The following ST6GALNAC3 variants were observed in gnomAD, a reference collection of about 807,000 sequenced individuals.
ST6GALNAC3 encodes the protein ST6 N-acetylgalactosaminide alpha-2,6-sialyltransferase 3.
In ST6GALNAC3, 25 loss-of-function variants were observed where a neutral mutation model predicts 32.7. That is an observed-to-expected ratio of 0.76 (90% CI 0.56 to 1.07). The LOEUF (loss-of-function observed/expected upper bound fraction) is 1.07, where lower values mean the gene tolerates loss of function less well. Ranked by LOEUF, ST6GALNAC3 falls within the 50% of genes least tolerant of loss-of-function variation. The pLI is 0.00. For synonymous variants in ST6GALNAC3, 129 were observed against 133.1 expected (o/e 0.97, Z 0.21); for missense variants, 355 against 382.4 (o/e 0.93, Z 0.60).
intron 3 of ST6GALNAC3, among the ~76,000 whole-genome samples, chr1:76,428,649 T>G (rs564351504): frequency 6.6e-6 from 1 of 152,196 alleles, no homozygotes; most frequent in East Asian, 1.9e-4. Flanking sequence ...TAGAAAACCT[T>G]ATAAATAATT....
At chr1:76,319,305 C>T (rs773207812) in intron 2 of ST6GALNAC3, among the ~76,000 whole-genome samples, 30 of 152,026 alleles carry the variant, frequency 2.0e-4, no homozygotes, top group Middle Eastern at 3.2e-3. Flanking sequence ...CTGACTTACT[C>T]GACAATTTAA....
At chr1:76,194,474 T>C (rs1654083385) in intron 1 of ST6GALNAC3, among the ~76,000 whole-genome samples, 1 of 151,176 alleles carries the variant, frequency 6.6e-6, no homozygotes, top group Admixed American at 6.6e-5. Flanking sequence ...TTTAAATATT[T>C]AATTTATTTC....
intron 1 of ST6GALNAC3, among the ~76,000 whole-genome samples, chr1:76,149,398 C>T (rs761583670): frequency 3.3e-5 from 5 of 152,134 alleles, no homozygotes; most frequent in Non-Finnish European, 5.9e-5. Context: ...CCTGGCATCC[C>T]CCATTAATCT....
intron 3 of ST6GALNAC3, among the ~76,000 whole-genome samples, chr1:76,519,198 A>G (rs1662361852): frequency 6.6e-6 from 1 of 152,102 alleles, no homozygotes; most frequent in Middle Eastern, 3.4e-3. Context: ...TATATCCTCA[A>G]ATATTTTCTT....
intron 1 of ST6GALNAC3, among the ~76,000 whole-genome samples, chr1:76,165,294 T>C (rs1050422317): frequency 2.0e-5 from 3 of 152,188 alleles, no homozygotes; most frequent in South Asian, 4.1e-4. Flanking sequence ...ACTGCCTTAG[T>C]TTGCTAAGGA....
intron 1 of ST6GALNAC3, among the ~76,000 whole-genome samples, chr1:76,128,742 C>G (rs1179650204): frequency 6.6e-6 from 1 of 152,280 alleles, no homozygotes; most frequent in Admixed American, 6.5e-5. Context: ...ACTGAGATAG[C>G]ACTTTGTCAG....
intron 1 of ST6GALNAC3, among the ~76,000 whole-genome samples, chr1:76,132,512 C>T (rs1649676486): frequency 6.6e-6 from 1 of 152,186 alleles, no homozygotes; most frequent in African/African-American, 2.4e-5. Flanking sequence ...CAAAGGTCTT[C>T]AGTGGAGACT....
intron 2 of ST6GALNAC3, among the ~76,000 whole-genome samples, chr1:76,379,667 C>G (rs1266529000): frequency 6.6e-6 from 1 of 152,160 alleles, no homozygotes; most frequent in Non-Finnish European, 1.5e-5. Context: ...CCCAGAAAAA[C>G]AGGCCTCTCC....
intron 1 of ST6GALNAC3, among the ~76,000 whole-genome samples, chr1:76,188,684 C>T (rs11162097): frequency 0.52 from 78,679 of 152,052 alleles, 22,953 homozygotes; most frequent in East Asian, 0.88. Flanking sequence ...TTACCAGTAA[C>T]ATAAACAATT....
chr1:76,268,737 A>G (rs1658673913), intron 1 of ST6GALNAC3, among the ~76,000 whole-genome samples: 1 of 152,192 alleles, frequency 6.6e-6, no homozygotes, highest in East Asian at 1.9e-4. Flanking sequence ...GGCTGAATGA[A>G]TTTGACAGGC....
chr1:76,083,395 C>T (rs1293903048), intron 1 of ST6GALNAC3, among the ~76,000 whole-genome samples: 1 of 152,238 alleles, frequency 6.6e-6, no homozygotes, highest in Admixed American at 6.5e-5. Context: ...AAGTGAAAGT[C>T]TCTCTTTGTG....
chr1:76,461,944 T>G (rs1268009164), intron 3 of ST6GALNAC3, among the ~76,000 whole-genome samples: 2 of 152,120 alleles, frequency 1.3e-5, no homozygotes, highest in East Asian at 3.9e-4. Context: ...AAAAGCAAGC[T>G]GGGCAGGGTC....
At chr1:76,165,249 T>A (rs972307665) in intron 1 of ST6GALNAC3, among the ~76,000 whole-genome samples, 2 of 152,282 alleles carry the variant, frequency 1.3e-5, no homozygotes, top group South Asian at 2.1e-4. Flanking sequence ...AGCTCCTATT[T>A]GTAAGTGAGA....
downstream of ST6GALNAC3, among the ~76,000 whole-genome samples, chr1:76,634,852 A>T (rs1649464380): frequency 2.9e-5 from 2 of 69,716 alleles, 1 homozygote; most frequent in African/African-American, 1.7e-4. Flanking sequence ...GGCGCCCGCC[A>T]CTACGCCCGG....
At chr1:76,575,269 C>CTGAGT (rs778157133) in intron 3 of ST6GALNAC3, among the ~76,000 whole-genome samples, 7 of 152,212 alleles carry the variant, frequency 4.6e-5, no homozygotes, top group Non-Finnish European at 7.4e-5. Flanking sequence ...AATAAAACAA[C>CTGAGT]TGAGTTTTCC....
intron 1 of ST6GALNAC3, among the ~76,000 whole-genome samples, chr1:76,231,665 C>T (rs1656368766): frequency 6.6e-6 from 1 of 152,166 alleles, no homozygotes; most frequent in African/African-American, 2.4e-5. Flanking sequence ...TAGCATATAT[C>T]AGAATATCCA....
At chr1:76,581,802 T>C (rs989617279) in intron 3 of ST6GALNAC3, among the ~76,000 whole-genome samples, 2 of 152,146 alleles carry the variant, frequency 1.3e-5, no homozygotes, top group African/African-American at 4.8e-5. Flanking sequence ...AATAATATAT[T>C]GGGTGTAAAT....
chr1:76,261,202 C>T (rs1357465514), intron 1 of ST6GALNAC3, among the ~76,000 whole-genome samples: 1 of 152,132 alleles, frequency 6.6e-6, no homozygotes, highest in Non-Finnish European at 1.5e-5. Context: ...TAGCCCCCCT[C>T]CCCACTTCAA....
At chr1:76,322,749 C>A (rs1646992825) in intron 2 of ST6GALNAC3, among the ~76,000 whole-genome samples, 1 of 151,520 alleles carries the variant, frequency 6.6e-6, no homozygotes, top group African/African-American at 2.4e-5. Flanking sequence ...CACCACTGCC[C>A]CCCACCCCCC....
Sources: gnomAD v4.1 joint callset for allele counts (sites outside exome capture counted in the v4.1 genomes callset) on GRCh38, gnomAD v4.1.1 for gene constraint, MANE v1.5 for transcripts, NCBI Gene and HGNC (gene_info 2026-07-23, HGNC 2026-07-21) for gene names.